ZFYVE26: variants seen among roughly 807,000 people sequenced by gnomAD.
ZFYVE26 encodes the protein zinc finger FYVE-type containing 26, also known as zinc finger FYVE domain-containing protein 26.
In ZFYVE26, 181 loss-of-function variants were observed where a neutral mutation model predicts 276.5. That is an observed-to-expected ratio of 0.65 (90% CI 0.58 to 0.74). The LOEUF is 0.74. ZFYVE26 is among the 30% of genes least tolerant of loss of function. The pLI is 0.00. For missense variants in ZFYVE26, 2,821 were observed against 3,097.9 expected (o/e 0.91, Z 2.12); for synonymous variants, 1,129 against 1,203.1 (o/e 0.94, Z 1.27).
At chr14:67,734,105 G>T in intron 13 of ZFYVE26, 1 of 373,516 alleles carries the variant, frequency 2.7e-6, no homozygotes, top group Non-Finnish European at 5.2e-6. Context: ...GGGGGCAGCA[G>T]GACTGGGCAG....
chr14:67,737,542 C>T (rs886896710), intron 13 of ZFYVE26, among the ~76,000 whole-genome samples: 3 of 152,166 alleles, frequency 2.0e-5, no homozygotes, highest in African/African-American at 7.2e-5. Flanking sequence ...TCAACTCCCA[C>T]CAGGTCCCTC....
At chr14:67,795,451 C>T (rs1566891383) in intron 12 of ZFYVE26, among the ~76,000 whole-genome samples, 1 of 152,172 alleles carries the variant, frequency 6.6e-6, no homozygotes, top group African/African-American at 2.4e-5. Flanking sequence ...ATGCTGATAT[C>T]CTCTTTTAAG....
intron 14 of ZFYVE26, among the ~76,000 whole-genome samples, 193 bp downstream of exon 14, chr14:67,793,415 C>A (rs945775187): frequency 6.6e-6 from 1 of 151,950 alleles, no homozygotes; most frequent in Non-Finnish European, 1.5e-5. Flanking sequence ...TGTTAAGAAC[C>A]ACAAACAATT....
At chr14:67,777,528 A>T in intron 25 of ZFYVE26, 31 bp downstream of exon 25, 1 of 1,612,214 alleles carries the variant, frequency 6.2e-7, no homozygotes, top group East Asian at 2.2e-5. Flanking sequence ...GATCCCACAT[A>T]CAGCGCCTGG....
intron 12 of ZFYVE26, 35 bp downstream of exon 12, chr14:67,797,637 T>G (rs2039982742): frequency 6.2e-7 from 1 of 1,609,102 alleles, no homozygotes; most frequent in Non-Finnish European, 8.5e-7. Flanking sequence ...ATTACACCAC[T>G]TGCCTAGTGC....
intron 8 of ZFYVE26, 107 bp from the exon 9 acceptor site, chr14:67,804,371 C>G: frequency 7.4e-7 from 1 of 1,355,722 alleles, no homozygotes; most frequent in Non-Finnish European, 1.0e-6. Flanking sequence ...CATAATGCCA[C>G]AGGCTTCCCT....
intron 16 of ZFYVE26, among the ~76,000 whole-genome samples, chr14:67,788,678 A>T (rs1413215663): frequency 2.0e-5 from 3 of 152,170 alleles, no homozygotes; most frequent in African/African-American, 7.2e-5. Flanking sequence ...CTAGAGAATC[A>T]CTGAACCTGG....
intron 28 of ZFYVE26, 136 bp downstream of exon 28, chr14:67,771,911 C>G (rs1288698773): frequency 7.3e-6 from 9 of 1,225,506 alleles, no homozygotes; most frequent in Non-Finnish European, 1.0e-5. Context: ...AAAATGAACC[C>G]AAAGTCTTAG....
rs1006249036 is a variant in ZFYVE26 at position 67,762,690 on chromosome 14, G to T, written c.6141C>A (p.Tyr2047Ter). The T allele has an allele frequency of 1.2e-6, 2 of 1,613,844 alleles. No individual in the cohort carries two copies. Among genetic ancestry groups the T allele is most frequent in the Non-Finnish European group, 1.7e-6 (2 of 1,180,048 alleles). Reference protein sequence around the residue: ...RLRNQLLEAEYYQLGVEVSTK... With the variant: ...RLRNQLLEAE Reference sequence around the variant, plus strand: ...GTCTCACCTCAACGCCCAGTTGGTAGTACTCGGCTTCCAAAAGCTGGTTCC... The same window carrying T: ...GTCTCACCTCAACGCCCAGTTGGTATTACTCGGCTTCCAAAAGCTGGTTCC... The change falls in exon 33 of 42, where the codon TAC (tyrosine) becomes TAA (stop). Residue 2047 changes from tyrosine to a stop codon, truncating the protein, a stop_gained. Transcript: ENST00000347230. LOFTEE classifies it high-confidence loss of function.
At chr14:67,784,615 A>G (rs1049854591) in intron 19 of ZFYVE26, among the ~76,000 whole-genome samples, 179 bp from the exon 20 acceptor site, 2 of 152,200 alleles carry the variant, frequency 1.3e-5, no homozygotes, top group African/African-American at 2.4e-5. Context: ...AGTTTTATCT[A>G]TATCTTACCA....
intron 41 of ZFYVE26, chr14:67,750,323 C>T (rs80318806): frequency 0.032 from 4,860 of 153,592 alleles, 154 homozygotes; most frequent in African/African-American, 0.072. Context: ...CCATGGGGAG[C>T]GTGTAAGAAG....
chr14:67,741,054 T>A (rs1172102095), intron 13 of ZFYVE26, among the ~76,000 whole-genome samples: 1 of 152,180 alleles, frequency 6.6e-6, no homozygotes, highest in African/African-American at 2.4e-5. Context: ...TTAATGCAAG[T>A]ATTTATTATA....
chr14:67,788,663 T>C (rs534571928), intron 16 of ZFYVE26, among the ~76,000 whole-genome samples: 37 of 152,200 alleles, frequency 2.4e-4, no homozygotes, highest in Non-Finnish European at 4.0e-4. Context: ...TTCTTGAGAG[T>C]TCTCCTAGAG....
chr14:67,809,457 C>G (rs2040253845), intron 3 of ZFYVE26, among the ~76,000 whole-genome samples, 168 bp from the exon 4 acceptor site: 1 of 130,064 alleles, frequency 7.7e-6, no homozygotes, highest in African/African-American at 2.9e-5. Context: ...GAGTCTTGCT[C>G]TGTTCCCCAG....
intron 16 of ZFYVE26, 69 bp downstream of exon 16, chr14:67,789,266 A>G: frequency 3.1e-6 from 5 of 1,606,494 alleles, no homozygotes; most frequent in Non-Finnish European, 4.2e-6. Context: ...TTCCTGGACA[A>G]TTTATCAAGA....
In ZFYVE26 at chr14:67,766,463, G is replaced by C. The variant is rs2039063193; in HGVS notation, c.5791-16C>G. 6.2e-7 allele frequency: 1 copy of C among 1,611,510 alleles called. No individual in the cohort carries two copies. The highest frequency in any genetic ancestry group is 1.7e-5 in the Admixed American group (1 of 60,022). ...CGCTGGGGGCCTGGCCGGGGTGGAA[G>C]AAGGGAGAACACACGGTGAGTCCAG... On this transcript the variant is annotated splice_polypyrimidine_tract_variant and intron_variant, in intron 31 of 41. Coordinates refer to ENST00000347230, the MANE Select transcript of ZFYVE26 (RefSeq NM_015346.4).
intron 12 of ZFYVE26, 84 bp from the exon 13 acceptor site, chr14:67,794,323 T>C: frequency 7.7e-7 from 1 of 1,291,882 alleles, no homozygotes; most frequent in East Asian, 2.3e-5. Flanking sequence ...ACAGCCAAGA[T>C]CTGTGTAGTT....
At position 67,746,576 on chromosome 14, in the gene ZFYVE26, A is replaced by C. The variant is rs1397602305; in HGVS notation, c.*1860T>G. The C allele has an allele frequency of 6.6e-6, 1 of 152,170 alleles. No homozygotes were observed. The highest frequency in any genetic ancestry group is 1.5e-5 in the Non-Finnish European group (1 of 68,026). 9.4% of individuals were successfully genotyped at this position (152,170 alleles called of 1,614,324 possible). A position where few individuals can be genotyped will look rare whatever the true frequency, so the allele number is the denominator to read the frequency against. On this transcript the variant is annotated 3_prime_UTR_variant, in exon 42 of 42. Transcript: ENST00000347230. ...TTTGTAGTAAAACATTCAACCCCTC[A>C]ACATGGGTATCTGTTTTGGTGGTGT...
rs2038964884 is a variant in ZFYVE26 at position 67,762,703 on chromosome 14, A to C, written c.6128T>G (p.Leu2043Trp). 4 of 1,613,968 alleles carry C rather than the reference A, an allele frequency of 2.5e-6. No homozygotes were observed. Among genetic ancestry groups the C allele is most frequent in the Non-Finnish European group, 3.4e-6 (4 of 1,180,042 alleles). The change falls in exon 33 of 42, where the codon TTG becomes TGG. Residue 2043 changes from leucine to tryptophan, a missense_variant. Physicochemically the swap from Leu to Trp is moderately conservative, Grantham distance 61. Coordinates refer to ENST00000347230, the MANE Select transcript of ZFYVE26 (RefSeq NM_015346.4). ...GCCCAGTTGGTAGTACTCGGCTTCCAAAAGCTGGTTCCTTAGCCTGGTTAC... is the reference window on the plus strand; with the variant it reads ...GCCCAGTTGGTAGTACTCGGCTTCCCAAAGCTGGTTCCTTAGCCTGGTTAC... Reference protein sequence around the residue: ...AAVTRLRNQLLEAEYYQLGVE... With the variant: ...AAVTRLRNQLWEAEYYQLGVE...
Sources: allele counts gnomAD v4.1 joint callset (sites outside exome capture counted in the v4.1 genomes callset), GRCh38; gene constraint gnomAD v4.1.1; transcripts MANE v1.5; gene names NCBI Gene and HGNC (gene_info 2026-07-23, HGNC 2026-07-21).